Variants in LINGO2 observed in about 807,000 individuals in gnomAD.
The protein encoded by LINGO2 is leucine rich repeat and Ig domain containing 2.
In LINGO2, 14 loss-of-function variants were observed where a neutral mutation model predicts 30.6. The ratio of observed to expected loss-of-function variants is 0.46; its 90% CI spans 0.30 to 0.72. LINGO2 has a LOEUF of 0.72. Ranked by LOEUF, LINGO2 falls within the 30% of genes least tolerant of loss-of-function variation. The pLI is 0.07. For synonymous variants in LINGO2, 317 were observed against 288.5 expected, an observed-to-expected ratio of 1.10 and a Z score of -1.00; for missense variants, 729 against 751.7, an observed-to-expected ratio of 0.97 and a Z score of 0.35.
At chr9:28,246,548 G>A (rs551682842) in intron 4 of LINGO2, among the ~76,000 whole-genome samples, 10 of 152,180 alleles carry the variant, frequency 6.6e-5, no homozygotes, top group East Asian at 5.8e-4. Context: ...CTGGCTAGCC[G>A]TATGCAGAAA....
At chr9:28,809,721 G>A in the LINGO2 span, among the ~76,000 whole-genome samples, 134 of 149,964 alleles carry the variant, frequency 8.9e-4, no homozygotes, top group African/African-American at 3.1e-3. Flanking sequence ...ACTCCAGCCC[G>A]GGTGACAGGG....
chr9:28,939,952 G>GTGGCTGTT, the LINGO2 span, among the ~76,000 whole-genome samples: 6 of 152,106 alleles, frequency 3.9e-5, no homozygotes, highest in Non-Finnish European at 7.4e-5. Flanking sequence ...AGCATTGTCT[G>GTGGCTGTT]TGGCTGTTTA....
chr9:28,199,246 T>C (rs1434534761), intron 4 of LINGO2, among the ~76,000 whole-genome samples: 1 of 152,184 alleles, frequency 6.6e-6, no homozygotes, highest in Non-Finnish European at 1.5e-5. Flanking sequence ...TGCTTTATGA[T>C]GAAGGCATGC....
the LINGO2 span, among the ~76,000 whole-genome samples, chr9:28,748,820 T>A: frequency 6.6e-6 from 1 of 151,812 alleles, no homozygotes; most frequent in Non-Finnish European, 1.5e-5. Flanking sequence ...TTGGCAAAAA[T>A]AAAGATGTAA....
At chr9:29,187,071 C>A in the LINGO2 span, among the ~76,000 whole-genome samples, 1 of 152,118 alleles carries the variant, frequency 6.6e-6, no homozygotes, top group East Asian at 1.9e-4. Context: ...TACCAACTCA[C>A]AAAGCTAGCA....
At chr9:28,154,970 T>C (rs1014048813) in intron 4 of LINGO2, among the ~76,000 whole-genome samples, 1 of 152,234 alleles carries the variant, frequency 6.6e-6, no homozygotes, top group Non-Finnish European at 1.5e-5. Context: ...ATTGGTATAT[T>C]GCAACTGCTG....
At chr9:28,574,640 C>G (rs925472587) in intron 1 of LINGO2, among the ~76,000 whole-genome samples, 4 of 152,022 alleles carry the variant, frequency 2.6e-5, no homozygotes, top group Non-Finnish European at 5.9e-5. Context: ...TTATTTTTTT[C>G]AGGTGAATAT....
chr9:28,525,392 A>C (rs554247041), intron 1 of LINGO2, among the ~76,000 whole-genome samples: 17 of 152,338 alleles, frequency 1.1e-4, no homozygotes, highest in African/African-American at 3.8e-4. Flanking sequence ...ATAATAATCA[A>C]AAAGTGGAAA....
At chr9:28,736,054 T>C in the LINGO2 span, among the ~76,000 whole-genome samples, 4 of 152,130 alleles carry the variant, frequency 2.6e-5, no homozygotes, top group Non-Finnish European at 5.9e-5. Context: ...AAAGAAACAC[T>C]GAGGAAGAAG....
the LINGO2 span, among the ~76,000 whole-genome samples, chr9:29,003,599 C>T: frequency 1.3e-5 from 2 of 151,926 alleles, no homozygotes; most frequent in African/African-American, 4.8e-5. Flanking sequence ...GGAAAGGTGA[C>T]TGTAGTTTAC....
intron 1 of LINGO2, among the ~76,000 whole-genome samples, chr9:28,629,852 A>G (rs1305172605): frequency 6.6e-6 from 1 of 152,074 alleles, no homozygotes; most frequent in African/African-American, 2.4e-5. Flanking sequence ...CAGAATTGAC[A>G]TGACATTTTC....
chr9:28,646,074 A>C (rs1200415719), intron 1 of LINGO2, among the ~76,000 whole-genome samples: 2 of 152,148 alleles, frequency 1.3e-5, no homozygotes, highest in Non-Finnish European at 2.9e-5. Flanking sequence ...CCAACTACCA[A>C]GTAATGGCAA....
At chr9:28,743,939 T>C in the LINGO2 span, among the ~76,000 whole-genome samples, 1 of 151,654 alleles carries the variant, frequency 6.6e-6, no homozygotes, top group East Asian at 1.9e-4. Flanking sequence ...TTCTGCTACA[T>C]GTATGTTGGT....
At chr9:28,127,418 A>T (rs1331548627) in intron 4 of LINGO2, among the ~76,000 whole-genome samples, 1 of 152,234 alleles carries the variant, frequency 6.6e-6, no homozygotes, top group East Asian at 1.9e-4. Context: ...TGCATGAAGC[A>T]GAGATGAGCA....
chr9:28,961,912 GT>G, the LINGO2 span, among the ~76,000 whole-genome samples: 1 of 151,880 alleles, frequency 6.6e-6, no homozygotes, highest in Non-Finnish European at 1.5e-5. Context: ...AAAACTTAAC[GT>G]TAATACTACT....
intron 2 of LINGO2, among the ~76,000 whole-genome samples, chr9:28,393,627 G>T (rs1017733213): frequency 6.6e-6 from 1 of 152,184 alleles, no homozygotes; most frequent in Admixed American, 6.5e-5. Context: ...ACAAGAGGTA[G>T]ATAAATAGCG....
chr9:28,784,260 G>A, the LINGO2 span, among the ~76,000 whole-genome samples: 2 of 152,150 alleles, frequency 1.3e-5, no homozygotes, highest in Non-Finnish European at 2.9e-5. Context: ...TATGTACACA[G>A]TAATGTGTTA....
At chr9:28,452,139 T>G (rs1345686677) in intron 2 of LINGO2, among the ~76,000 whole-genome samples, 1 of 151,920 alleles carries the variant, frequency 6.6e-6, no homozygotes, top group South Asian at 2.1e-4. Context: ...ACTTTTTTAG[T>G]CTTTTCATTG....
At chr9:28,996,884 G>A in the LINGO2 span, among the ~76,000 whole-genome samples, 1 of 151,956 alleles carries the variant, frequency 6.6e-6, no homozygotes, top group African/African-American at 2.4e-5. Context: ...ACATATAATA[G>A]AAGATCTTAA....
Sources: allele counts gnomAD v4.1 joint callset (sites outside exome capture counted in the v4.1 genomes callset), GRCh38; gene constraint gnomAD v4.1.1; transcripts MANE v1.5; gene names NCBI Gene and HGNC (gene_info 2026-07-23, HGNC 2026-07-21).